Variants in SARS2 observed in about 807,000 individuals in gnomAD.
SARS2 encodes seryl-tRNA synthetase 2, mitochondrial, also known as serine--tRNA ligase, mitochondrial.
Under a neutral mutation model 66.8 loss-of-function variants are expected in SARS2, and 52 were observed. The observed-to-expected ratio is 0.78, with a 90% CI of 0.62 to 0.98. The LOEUF (loss-of-function observed/expected upper bound fraction) is 0.98, where lower values mean the gene tolerates loss of function less well. Ranked by LOEUF, SARS2 falls within the 50% of genes least tolerant of loss-of-function variation. The pLI is 0.00. For missense variants in SARS2, 673 were observed against 706.3 expected, an observed-to-expected ratio of 0.95 and a Z score of 0.53; for synonymous variants, 306 against 281.4, an observed-to-expected ratio of 1.09 and a Z score of -0.87.
At chr19:38,923,219 C>CTTTTTT (rs1165441029) in intron 2 of SARS2, among the ~76,000 whole-genome samples, 1 of 75,762 alleles carries the variant, frequency 1.3e-5, no homozygotes, top group Non-Finnish European at 2.4e-5. Flanking sequence ...CTCAGGTTTT[C>CTTTTTT]TTTTTTTTTT....
intron 7 of SARS2, among the ~76,000 whole-genome samples, chr19:38,919,164 G>C (rs1974473617): frequency 6.6e-6 from 1 of 152,156 alleles, no homozygotes; most frequent in South Asian, 2.1e-4. Context: ...GCATGTGCCT[G>C]TAATCCCAGC....
At chr19:38,920,966 TACAGACACACACAAAC>T (rs946366373) in intron 5 of SARS2, among the ~76,000 whole-genome samples, 4 of 126,310 alleles carry the variant, frequency 3.2e-5, no homozygotes, top group Admixed American at 2.9e-4. Context: ...CAGACACAGA[TACAGACACACACAAAC>T]ACAGACACAC....
At position 38,930,725 on chromosome 19, in the gene SARS2, G is replaced by A. The variant is rs1289412633; in HGVS notation, c.12C>T (p.Ser4=). The change falls in exon 1 of 16, where the codon TCC becomes TCT. Residue 4 remains serine (S), a synonymous_variant. Transcript: ENST00000221431. Reference sequence around the variant, plus strand: ...GCAAAGGCCACAAGCGCCGCGCCATGGACGCAGCCATCTTGGACCGGGAAC... The same window carrying A: ...GCAAAGGCCACAAGCGCCGCGCCATAGACGCAGCCATCTTGGACCGGGAAC... MAA[S]MARRLWPLLT... is the part of the protein sequence containing the mutation. 1 of 1,613,430 alleles carries A rather than the reference G, an allele frequency of 6.2e-7. No individual in the cohort carries two copies. The highest frequency in any genetic ancestry group is 8.5e-7 in the Non-Finnish European group (1 of 1,180,028).
chr19:38,919,801 G>C lies in SARS2; in HGVS notation c.720C>G (p.His240Gln), dbSNP rs374625962. The C allele has an allele frequency of 1.9e-6, 3 of 1,614,194 alleles. No individual in the cohort carries two copies. Among genetic ancestry groups the C allele is most frequent in the South Asian group, 1.1e-5 (1 of 91,092 alleles). Residue 240 changes from histidine (H) to glutamine (Q), a missense_variant, in exon 7 of 16, where the codon CAC (histidine) becomes CAG (glutamine). Physicochemically the swap from His to Gln is conservative, Grantham distance 24. Coordinates refer to ENST00000221431, the MANE Select transcript of SARS2 (RefSeq NM_017827.4). ...TGTTGAATGTGAAGTTGACCAGGCC[G>C]TGCTGCAGGAGGGCTCCAGCCCCGC... ...YLRGAGALLQ[H>Q]GLVNFTFNKL...
rs1974487102 is a variant in SARS2, at chr19:38,919,867, C to G, written c.654G>C (p.Lys218Asn). 6 of 1,613,472 alleles carry G rather than the reference C, an allele frequency of 3.7e-6. No individual in the cohort carries two copies. The highest frequency in any genetic ancestry group is 5.1e-6 in the Non-Finnish European group (6 of 1,179,630). Residue 218 changes from lysine (K) to asparagine (N), a missense_variant and splice_region_variant, in exon 7 of 16, where the codon AAG becomes AAC. Lys to Asn is a moderately conservative substitution (Grantham distance 94). Coordinates refer to ENST00000221431, the MANE Select transcript of SARS2 (RefSeq NM_017827.4). ...IGEKLDIIRQ[K>N]RLSHVSGHRS... is the part of the protein sequence containing the mutation. ...GGTGGCCAGACACGTGGGACAGGCG[C>G]CTGGGAGACAGACAGACAGGCGGGT...
chr19:38,926,686 T>C (rs1008061212), intron 1 of SARS2, among the ~76,000 whole-genome samples: 3 of 152,184 alleles, frequency 2.0e-5, no homozygotes, highest in East Asian at 3.9e-4. Context: ...CCCAGGAGGC[T>C]GAGGCACGAG....
intron 2 of SARS2, among the ~76,000 whole-genome samples, chr19:38,922,936 C>A (rs1162772952): frequency 1.3e-5 from 2 of 149,296 alleles, no homozygotes; most frequent in Admixed American, 6.7e-5. Flanking sequence ...CGGAGTCTTG[C>A]TCTGTCGCCC....
intron 3 of SARS2, 200 bp from the exon 4 acceptor site, chr19:38,921,867 A>C: frequency 7.5e-7 from 1 of 1,326,816 alleles, no homozygotes; most frequent in Non-Finnish European, 1.1e-6. Context: ...CTGGCCAACT[A>C]GAACGTTCTA....
At chr19:38,920,226 A>G (rs1974495453) in intron 5 of SARS2, 77 bp from the exon 6 acceptor site, 8 of 1,128,822 alleles carry the variant, frequency 7.1e-6, no homozygotes, top group Non-Finnish European at 9.2e-6. Flanking sequence ...TTCCAGAGAC[A>G]GCAGAGAGGA....
intron 6 of SARS2, 22 bp from the exon 7 acceptor site, chr19:38,919,889 G>A (rs776945851): frequency 5.6e-6 from 9 of 1,595,086 alleles, no homozygotes; most frequent in Non-Finnish European, 7.7e-6. Context: ...ACAGACAGGC[G>A]GGTGCACATG....
chr19:38,916,127 G>C lies in SARS2; in HGVS notation c.1257C>G (p.Val419=). Residue 419 remains valine (V), a splice_region_variant and synonymous_variant, in exon 14 of 16, where the codon GTC becomes GTG. Coordinates refer to ENST00000221431, the MANE Select transcript of SARS2 (RefSeq NM_017827.4). Reference sequence around the variant, plus strand: ...AGTCTGTGCAGTTGGAAGCACTGGTGACCTGGGGTGGAGGAGCGGCAGGCT... The same window carrying C: ...AGTCTGTGCAGTTGGAAGCACTGGTCACCTGGGGTGGAGGAGCGGCAGGCT... ...WMPGRGRFGE[V]TSASNCTDFQ... 2 of 1,613,958 alleles carry C rather than the reference G, an allele frequency of 1.2e-6. No individual in the cohort carries two copies. The highest frequency in any genetic ancestry group is 1.7e-6 in the Non-Finnish European group (2 of 1,179,966).
rs1974447594 is a variant in SARS2 at position 38,917,950 on chromosome 19, C to T, written c.1021G>A (p.Gly341Arg). The T allele has an allele frequency of 6.2e-7, 1 of 1,609,338 alleles. No homozygotes were observed. The highest frequency in any genetic ancestry group is 8.5e-7 in the Non-Finnish European group (1 of 1,177,758). The change falls in exon 11 of 16, where the codon GGG becomes AGG. Residue 341 changes from glycine to arginine, a missense_variant. Transcript: ENST00000221431. ...AETNTGQEPRGLYRVHHFTKV... is the reference protein window; with the variant it reads ...AETNTGQEPRRLYRVHHFTKV... ...GTGAAGTGGTGTACTCGATACAGCC[C>T]CCGGGGTTCCTGTCCCGTGTTTGTC...
chr19:38,915,960 G>A (rs1240708916), intron 14 of SARS2, 54 bp from the exon 15 acceptor site: 2 of 1,612,936 alleles, frequency 1.2e-6, no homozygotes, highest in Non-Finnish European at 1.7e-6. Context: ...AGCCCGGGGA[G>A]GAGCCAAGGT....
intron 1 of SARS2, among the ~76,000 whole-genome samples, chr19:38,928,530 C>G (rs10411301): frequency 6.6e-6 from 1 of 150,640 alleles, no homozygotes; most frequent in African/African-American, 2.4e-5. Context: ...TTAATGAAAC[C>G]GGTTTCAATT....
Position 38,921,514 on chromosome 19 carries a change from G to A in SARS2, c.534+13C>T, listed in dbSNP as rs759591150. 4 of 1,614,058 alleles carry A rather than the reference G, an allele frequency of 2.5e-6. No homozygotes were observed. The African/African-American group carries it at 5.3e-5, about 22-fold the overall frequency. On this transcript the variant is annotated intron_variant, in intron 4 of 15. Transcript: ENST00000221431. ...GGGCCCCTGGCCTCCCTGCCACCCA[G>A]CACGGTGCTCACCACGTCTGGGTGG...
intron 12 of SARS2, among the ~76,000 whole-genome samples, chr19:38,917,135 A>C (rs10415194): frequency 0.25 from 38,198 of 150,760 alleles, 5,321 homozygotes; most frequent in East Asian, 0.44. Flanking sequence ...GCTAATTTTA[A>C]AAAACGTAAA....
chr19:38,917,711 C>A lies in SARS2; in HGVS notation c.1160+13G>T, dbSNP rs1468233658. 3 of 1,457,382 alleles carry A rather than the reference C, an allele frequency of 2.1e-6. No homozygotes were observed. Among genetic ancestry groups the A allele is most frequent in the Non-Finnish European group, 2.9e-6 (3 of 1,041,598 alleles). 90.3% of individuals were successfully genotyped at this position (1,457,382 alleles called of 1,614,324 possible). A position where few individuals can be genotyped will look rare whatever the true frequency, so the allele number is the denominator to read the frequency against. ...ACCCCTGCCATCCCTGGATCCCTGG[C>A]CCCTCTCCACACCGGAAGTGCAAGC... On this transcript the variant is annotated intron_variant, in intron 12 of 15. Coordinates refer to ENST00000221431, the MANE Select transcript of SARS2 (RefSeq NM_017827.4).
chr19:38,921,943 G>A (rs534795211), intron 3 of SARS2: 19 of 1,538,250 alleles, frequency 1.2e-5, no homozygotes, highest in Admixed American at 5.9e-5. Flanking sequence ...ATGAGAATCA[G>A]CCCCAGGACT....
intron 7 of SARS2, among the ~76,000 whole-genome samples, chr19:38,919,398 T>C (rs995973555): frequency 7.9e-5 from 12 of 152,222 alleles, no homozygotes; most frequent in African/African-American, 2.4e-4. Context: ...CAATGCTCCA[T>C]GCAACCAGTC....
Sources: gnomAD v4.1 joint callset for allele counts (sites outside exome capture counted in the v4.1 genomes callset) on GRCh38, gnomAD v4.1.1 for gene constraint, MANE v1.5 for transcripts, NCBI Gene and HGNC (gene_info 2026-07-23, HGNC 2026-07-21) for gene names.